MCF2L2: variants seen among roughly 807,000 people sequenced by gnomAD.
The protein encoded by MCF2L2 is MCF.2 cell line derived transforming sequence-like 2.
In MCF2L2, 102 loss-of-function variants were observed where a neutral mutation model predicts 150.2. That is an observed-to-expected ratio of 0.68 (90% CI 0.58 to 0.80). The LOEUF (loss-of-function observed/expected upper bound fraction) is 0.80, where lower values mean the gene tolerates loss of function less well. MCF2L2 is among the 30% of genes least tolerant of loss of function. The pLI is 0.00. For synonymous variants in MCF2L2, 465 were observed against 491.3 expected, an observed-to-expected ratio of 0.95 and a Z score of 0.71; for missense variants, 1,256 against 1,372.8, an observed-to-expected ratio of 0.91 and a Z score of 1.34.
chr3:183,295,735 A>T (rs1037334314), intron 12 of MCF2L2, among the ~76,000 whole-genome samples: 1 of 152,080 alleles, frequency 6.6e-6, no homozygotes, highest in Non-Finnish European at 1.5e-5. Flanking sequence ...CAGTGCCTGG[A>T]ACACCCTGGC....
chr3:183,195,967 C>T (rs561883870), intron 25 of MCF2L2, among the ~76,000 whole-genome samples: 1 of 152,320 alleles, frequency 6.6e-6, no homozygotes, highest in African/African-American at 2.4e-5. Context: ...GGGACTGAGG[C>T]TTTGCCTTGT....
At chr3:183,421,487 G>A (rs753186806) in intron 1 of MCF2L2, among the ~76,000 whole-genome samples, 1 of 152,134 alleles carries the variant, frequency 6.6e-6, no homozygotes, top group Non-Finnish European at 1.5e-5. Context: ...TAGAGACAAG[G>A]TCTTGCTATG....
chr3:183,310,607 G>A (rs1309338596), intron 9 of MCF2L2: 2 of 325,786 alleles, frequency 6.1e-6, no homozygotes, highest in South Asian at 5.3e-5. Flanking sequence ...AAGCTGCAGT[G>A]AGCCATGATC....
At chr3:183,280,982 GA>G (rs1354729098) in intron 14 of MCF2L2, among the ~76,000 whole-genome samples, 3 of 151,292 alleles carry the variant, frequency 2.0e-5, no homozygotes, top group Non-Finnish European at 2.9e-5. Flanking sequence ...TCTGAGGAGA[GA>G]AAAAAAAGCA....
intron 18 of MCF2L2, chr3:183,226,065 T>C (rs1723330226): frequency 6.6e-6 from 1 of 152,174 alleles, no homozygotes; most frequent in South Asian, 2.1e-4. Context: ...TCAGAGTACT[T>C]GGAACCCACA....
At chr3:183,269,248 T>TTTTTTTTTTTTTTTTTTTA (rs1726486222) in intron 15 of MCF2L2, among the ~76,000 whole-genome samples, 1 of 149,354 alleles carries the variant, frequency 6.7e-6, no homozygotes, top group Admixed American at 6.6e-5. Flanking sequence ...TTTTTTTTTT[T>TTTTTTTTTTTTTTTTTTTA]AAGAGTAGGA....
intron 15 of MCF2L2, among the ~76,000 whole-genome samples, chr3:183,259,830 C>T (rs1482960161): frequency 3.9e-5 from 6 of 151,990 alleles, no homozygotes; most frequent in Non-Finnish European, 8.8e-5. Flanking sequence ...CTGTCTAGTA[C>T]TAGTGAGACC....
chr3:183,223,519 C>T (rs1723220102), intron 19 of MCF2L2, 81 bp from the exon 20 acceptor site: 1 of 1,044,328 alleles, frequency 9.6e-7, no homozygotes, highest in Non-Finnish European at 1.5e-6. Flanking sequence ...AGGTACAAAA[C>T]ACAAAATTGC....
At chr3:183,313,390 A>C (rs750647382) in intron 7 of MCF2L2, among the ~76,000 whole-genome samples, 8 of 152,238 alleles carry the variant, frequency 5.3e-5, no homozygotes, top group Non-Finnish European at 8.8e-5. Flanking sequence ...GCAGAGCATG[A>C]ATGAGGAAAG....
chr3:183,297,340 G>C (rs1274166073), intron 11 of MCF2L2, 173 bp from the exon 12 acceptor site: 2 of 605,866 alleles, frequency 3.3e-6, no homozygotes, highest in African/African-American at 3.7e-5. Context: ...TACACTATGA[G>C]GGGGACAAAC....
chr3:183,263,664 T>C (rs190281804), intron 15 of MCF2L2, among the ~76,000 whole-genome samples: 90 of 152,272 alleles, frequency 5.9e-4, no homozygotes, highest in South Asian at 4.4e-3. Flanking sequence ...TCCAGTCCTG[T>C]CTAACTCGTC....
intron 15 of MCF2L2, chr3:183,269,596 G>A (rs950338635): frequency 1.6e-4 from 79 of 507,898 alleles, no homozygotes; most frequent in Non-Finnish European, 2.3e-4. Flanking sequence ...CAGTGTCCTC[G>A]TTCTACAGGG....
chr3:183,340,241 C>A (rs1028171832), intron 4 of MCF2L2, among the ~76,000 whole-genome samples: 1 of 152,114 alleles, frequency 6.6e-6, no homozygotes, highest in Admixed American at 6.6e-5. Flanking sequence ...GGCTCTAGAG[C>A]GATCTGAGAG....
chr3:183,345,677 A>T (rs1194784390), intron 3 of MCF2L2, among the ~76,000 whole-genome samples: 1 of 152,220 alleles, frequency 6.6e-6, no homozygotes, highest in Non-Finnish European at 1.5e-5. Context: ...TGCTAGCCAG[A>T]CTAATGAAGA....
Position 183,229,780 on chromosome 3 carries a change from C to A in MCF2L2, c.1931G>T (p.Gly644Val). ...AATAAAATCCATTGGAGTGATATAT[C>A]CCTGCAGAGGTGCAAACAAGGTAGG... is the stretch of plus-strand genomic sequence containing the variant. The part of the protein sequence containing the change: ...YIKEIKSIID[G>V]YITPMDFIWL... The change falls in exon 17 of 30, where the codon GGA becomes GTA. Residue 644 changes from glycine to valine, a missense_variant and splice_region_variant. Coordinates refer to ENST00000328913, the MANE Select transcript of MCF2L2 (RefSeq NM_015078.4). The A allele has an allele frequency of 7.1e-7, 1 of 1,406,796 alleles. No homozygotes were observed. The highest frequency in any genetic ancestry group is 1.0e-6 in the Non-Finnish European group (1 of 996,812). 87.1% of individuals were successfully genotyped at this position (1,406,796 alleles called of 1,614,324 possible).
At chr3:183,223,682 A>C (rs551719616) in intron 19 of MCF2L2, among the ~76,000 whole-genome samples, 1 of 152,296 alleles carries the variant, frequency 6.6e-6, no homozygotes, top group East Asian at 1.9e-4. Flanking sequence ...AGAACCATTT[A>C]TTTCTTTTAG....
At chr3:183,331,917 T>C (rs141476905) in intron 5 of MCF2L2, among the ~76,000 whole-genome samples, 3 of 152,212 alleles carry the variant, frequency 2.0e-5, no homozygotes, top group East Asian at 1.9e-4. Context: ...TTCCCCTCCA[T>C]AGATAAAGGT....
At chr3:183,189,698 A>G (rs1368374189) in intron 27 of MCF2L2, among the ~76,000 whole-genome samples, 1 of 152,226 alleles carries the variant, frequency 6.6e-6, no homozygotes, top group East Asian at 1.9e-4. Flanking sequence ...CACTTCCACT[A>G]GGGAACACAG....
chr3:183,219,376 C>T (rs1310389994), intron 21 of MCF2L2, among the ~76,000 whole-genome samples: 4 of 152,020 alleles, frequency 2.6e-5, no homozygotes, highest in African/African-American at 9.7e-5. Context: ...TTTGGGAGGC[C>T]GAGGCAGGTG....
Sources: allele counts gnomAD v4.1 joint callset (sites outside exome capture counted in the v4.1 genomes callset), GRCh38; gene constraint gnomAD v4.1.1; transcripts MANE v1.5; gene names NCBI Gene and HGNC (gene_info 2026-07-23, HGNC 2026-07-21).